Variants in STK17B observed in about 807,000 individuals in gnomAD.
STK17B encodes serine/threonine-protein kinase 17B.
In STK17B, 21 loss-of-function variants were observed where a neutral mutation model predicts 42.0. The ratio of observed to expected loss-of-function variants is 0.50; its 90% CI spans 0.35 to 0.72. The LOEUF is 0.72. Ranked by LOEUF, STK17B falls within the 30% of genes least tolerant of loss-of-function variation. The pLI, the probability that STK17B is intolerant of heterozygous loss-of-function variation, is 0.00. For synonymous variants in STK17B, 143 were observed against 148.4 expected (o/e 0.96, Z 0.26); for missense variants, 349 against 446.0 (o/e 0.78, Z 1.96).
rs1553622510 is a variant in STK17B, at chr2:196,135,884, TAG to T, written c.*1561_*1562del. On this transcript the variant is annotated 3_prime_UTR_variant, in exon 8 of 8. Transcript: ENST00000263955. ...CTAAAGAATGTATTGTATCTATCTA[TAG>T]ATATATACATACACCTGTACATACA... 2.2e-5 allele frequency: 1 copy of T among 45,478 alleles called. No individual in the cohort carries two copies. Among genetic ancestry groups the T allele is most frequent in the Non-Finnish European group, 9.5e-5 (1 of 10,572 alleles). The allele number at this position is 45,478 out of a possible 1,614,324, so 2.8% of individuals were successfully genotyped here.
At chr2:196,148,624 TATG>T (rs1699616330) in intron 3 of STK17B, among the ~76,000 whole-genome samples, 1 of 152,144 alleles carries the variant, frequency 6.6e-6, no homozygotes, top group Non-Finnish European at 1.5e-5. Flanking sequence ...CAGTATAAAA[TATG>T]AATTTACATA....
intron 1 of STK17B, among the ~76,000 whole-genome samples, chr2:196,167,633 T>C (rs1012888572): frequency 6.6e-6 from 1 of 152,236 alleles, no homozygotes; most frequent in Admixed American, 6.5e-5. Flanking sequence ...GTAATGCCAA[T>C]AGACCTTTTG....
intron 6 of STK17B, among the ~76,000 whole-genome samples, chr2:196,140,408 C>G (rs1446316425): frequency 2.0e-5 from 3 of 152,116 alleles, no homozygotes. Context: ...AGTCAGTCCC[C>G]TTTGTGGTCT....
At chr2:196,173,804 G>A (rs1699974516), upstream of STK17B, among the ~76,000 whole-genome samples, 1 of 152,108 alleles carries the variant, frequency 6.6e-6, no homozygotes, top group Admixed American at 6.5e-5. Flanking sequence ...CGGTTGTTAT[G>A]GGCTCAGTTG....
At chr2:196,168,480 A>G (rs1255917734) in intron 1 of STK17B, among the ~76,000 whole-genome samples, 2 of 152,236 alleles carry the variant, frequency 1.3e-5, no homozygotes, top group Non-Finnish European at 2.9e-5. Context: ...CTATTTATTC[A>G]GTAACTATTA....
chr2:196,157,602 T>C (rs545567002), intron 2 of STK17B, among the ~76,000 whole-genome samples: 3 of 152,348 alleles, frequency 2.0e-5, no homozygotes, highest in African/African-American at 7.2e-5. Flanking sequence ...ATATGTGTCC[T>C]ACAGAAAATA....
At chr2:196,140,456 T>A (rs537284617) in intron 6 of STK17B, among the ~76,000 whole-genome samples, 1 of 144,820 alleles carries the variant, frequency 6.9e-6, no homozygotes, top group Admixed American at 7.1e-5. Context: ...TTCTATTCCC[T>A]ATGGTATTCT....
Position 196,156,479 on chromosome 2 carries a change from C to T in STK17B, c.295G>A (p.Val99Ile), listed in dbSNP as rs1180855668. ...SCPRVINLHE[V>I]YENTSEIILI... Reference sequence around the variant, plus strand: ...ATGATTTCACTTGTATTTTCATAGACCTCATGAAGATTAATAACACGGGGA... The same window carrying T: ...ATGATTTCACTTGTATTTTCATAGATCTCATGAAGATTAATAACACGGGGA... Residue 99 changes from valine to isoleucine, a missense_variant, in exon 3 of 8, where the codon GTC (valine) becomes ATC (isoleucine). By Grantham distance (29) the Val-to-Ile change is conservative. Coordinates refer to ENST00000263955, the MANE Select transcript of STK17B (RefSeq NM_004226.4). 6.2e-7 allele frequency: 1 copy of T among 1,613,800 alleles called. No homozygotes were observed. The highest frequency in any genetic ancestry group is 8.5e-7 in the Non-Finnish European group (1 of 1,179,956).
At chr2:196,154,105 G>C (rs548275820) in intron 3 of STK17B, 4 of 152,150 alleles carry the variant, frequency 2.6e-5, no homozygotes, top group African/African-American at 9.7e-5. Flanking sequence ...ATGGTGGCAC[G>C]TGCCTGTAAT....
At chr2:196,146,675 G>A (rs1179107907) in intron 3 of STK17B, among the ~76,000 whole-genome samples, 1 of 151,816 alleles carries the variant, frequency 6.6e-6, no homozygotes, top group Admixed American at 6.6e-5. Context: ...CCTCATATAT[G>A]TACATCTATA....
At chr2:196,157,744 A>G (rs1699758711) in intron 2 of STK17B, among the ~76,000 whole-genome samples, 1 of 152,198 alleles carries the variant, frequency 6.6e-6, no homozygotes, top group South Asian at 2.1e-4. Flanking sequence ...AGTGCTTAGT[A>G]CCTCTGCCAA....
rs775470423 is a variant in STK17B at position 196,137,444 on chromosome 2, G to A, written c.*3C>T. On this transcript the variant is annotated 3_prime_UTR_variant, in exon 8 of 8. Coordinates refer to ENST00000263955, the MANE Select transcript of STK17B (RefSeq NM_004226.4). ...CAGTCCAAATGAGTCAAAGAAAAAA[G>A]TGCTAACAGAGCAAATCTGAAACAA... The A allele has an allele frequency of 6.2e-7, 1 of 1,612,092 alleles. No homozygotes were observed. Among genetic ancestry groups the A allele is most frequent in the Non-Finnish European group, 8.5e-7 (1 of 1,179,122 alleles).
intron 1 of STK17B, among the ~76,000 whole-genome samples, chr2:196,167,016 T>C (rs1699882529): frequency 6.6e-6 from 1 of 152,226 alleles, no homozygotes; most frequent in African/African-American, 2.4e-5. Context: ...ACCAGCTACA[T>C]TTCCTGCCGC....
chr2:196,148,343 G>A (rs930595452), intron 3 of STK17B, among the ~76,000 whole-genome samples: 9 of 152,018 alleles, frequency 5.9e-5, no homozygotes, highest in African/African-American at 1.5e-4. Flanking sequence ...TTCCCTTTCC[G>A]GCTACACTGT....
intron 6 of STK17B, among the ~76,000 whole-genome samples, chr2:196,140,471 T>G (rs7557842): frequency 0.64 from 97,368 of 151,752 alleles, 31,545 homozygotes; most frequent in East Asian, 0.9. Context: ...TATTCTCTCT[T>G]GGCTAGCTAC....
chr2:196,148,745 C>T (rs1227375092), intron 3 of STK17B, among the ~76,000 whole-genome samples: 1 of 151,910 alleles, frequency 6.6e-6, no homozygotes, highest in East Asian at 1.9e-4. Context: ...GATTATTTAC[C>T]AACATTTTAT....
intron 1 of STK17B, among the ~76,000 whole-genome samples, chr2:196,164,091 A>G (rs1699847505): frequency 1.3e-5 from 2 of 148,762 alleles, no homozygotes; most frequent in South Asian, 4.2e-4. Context: ...TAGGTTTCAC[A>G]TAATAGGTAA....
At chr2:196,168,335 G>A (rs1022463453) in intron 1 of STK17B, among the ~76,000 whole-genome samples, 15 of 152,164 alleles carry the variant, frequency 9.9e-5, no homozygotes, top group Admixed American at 6.5e-4. Flanking sequence ...TGTGAACCAG[G>A]ATAAAAGGTT....
chr2:196,143,276 T>G (rs1473312629), intron 5 of STK17B, among the ~76,000 whole-genome samples: 1 of 152,208 alleles, frequency 6.6e-6, no homozygotes, highest in Non-Finnish European at 1.5e-5. Flanking sequence ...CTAACTTCCC[T>G]CTTACCCATT....
Sources: gnomAD v4.1 joint callset for allele counts (sites outside exome capture counted in the v4.1 genomes callset) on GRCh38, gnomAD v4.1.1 for gene constraint, MANE v1.5 for transcripts, NCBI Gene and HGNC (gene_info 2026-07-23, HGNC 2026-07-21) for gene names.